The following PTPRD variants were observed in gnomAD, a reference collection of about 807,000 sequenced individuals.
PTPRD encodes receptor-type tyrosine-protein phosphatase delta.
PTPRD carries 34 observed loss-of-function variants against 214.5 expected under a neutral mutation model. The observed-to-expected ratio is 0.16, with a 90% confidence interval of 0.12 to 0.21. The LOEUF is 0.21. Among genes scored for constraint, PTPRD ranks in the 10% least tolerant of loss-of-function variants. The pLI is 1.00. For missense variants in PTPRD, 2,545 were observed against 2,398.7 expected (o/e 1.06, Z -1.27); for synonymous variants, 1,128 against 845.7 (o/e 1.33, Z -5.79).
At chr9:10,036,768 G>C (rs1217011) in intron 3 of PTPRD, among the ~76,000 whole-genome samples, 6,977 of 151,984 alleles carry the variant, frequency 0.046, 587 homozygotes, top group African/African-American at 0.16. Flanking sequence ...ATTTTTAGTA[G>C]AGACAGGGTT....
intron 3 of PTPRD, among the ~76,000 whole-genome samples, chr9:10,198,519 G>A (rs930333496): frequency 6.6e-6 from 1 of 152,120 alleles, no homozygotes; most frequent in Admixed American, 6.6e-5. Context: ...GACATTTGAT[G>A]CCTGAAGGCA....
intron 11 of PTPRD, among the ~76,000 whole-genome samples, chr9:8,821,813 T>A (rs1194147892): frequency 6.6e-6 from 1 of 152,152 alleles, no homozygotes; most frequent in Non-Finnish European, 1.5e-5. Flanking sequence ...TACAGGCAAC[T>A]GCCACCATGC....
At chr9:8,649,969 C>G (rs1391211811) in intron 12 of PTPRD, among the ~76,000 whole-genome samples, 1 of 152,022 alleles carries the variant, frequency 6.6e-6, no homozygotes, top group Non-Finnish European at 1.5e-5. Flanking sequence ...CTAGGCTGGA[C>G]TGCAGTTGCA....
intron 2 of PTPRD, among the ~76,000 whole-genome samples, chr9:10,459,385 G>A (rs74634472): frequency 2.6e-5 from 4 of 152,102 alleles, no homozygotes; most frequent in Non-Finnish European, 4.4e-5. Flanking sequence ...CTTTACAGTA[G>A]AATGATTTAT....
chr9:10,087,754 T>A (rs1038998521), intron 3 of PTPRD, among the ~76,000 whole-genome samples: 1 of 151,686 alleles, frequency 6.6e-6, no homozygotes, highest in African/African-American at 2.4e-5. Flanking sequence ...CAACAATTAT[T>A]ATGGGAAGCA....
intron 12 of PTPRD, among the ~76,000 whole-genome samples, chr9:8,717,170 C>G (rs562982618): frequency 9.9e-5 from 15 of 152,150 alleles, no homozygotes; most frequent in Admixed American, 2.0e-4. Flanking sequence ...AAAAGTTAGA[C>G]AAATACATCT....
chr9:9,345,110 G>C (rs2048310782), intron 9 of PTPRD, among the ~76,000 whole-genome samples: 1 of 152,092 alleles, frequency 6.6e-6, no homozygotes. Context: ...AAAGTCTCTT[G>C]AGATTTTCTG....
At chr9:8,394,473 T>C (rs181853364) in intron 36 of PTPRD, among the ~76,000 whole-genome samples, 2 of 152,196 alleles carry the variant, frequency 1.3e-5, no homozygotes, top group African/African-American at 2.4e-5. Flanking sequence ...AAGCACTTGC[T>C]AAGAATTTAG....
At chr9:10,342,689 A>G (rs953579729) in intron 2 of PTPRD, among the ~76,000 whole-genome samples, 1 of 152,106 alleles carries the variant, frequency 6.6e-6, no homozygotes, top group African/African-American at 2.4e-5. Flanking sequence ...TTTATATGTA[A>G]TAAATTCCAG....
intron 4 of PTPRD, among the ~76,000 whole-genome samples, chr9:9,976,694 A>AAAAAAG: frequency 6.8e-6 from 1 of 147,526 alleles, no homozygotes; most frequent in Non-Finnish European, 1.5e-5. Context: ...GCCACCAAAA[A>AAAAAAG]AAAAAAAAAA....
intron 30 of PTPRD, among the ~76,000 whole-genome samples, chr9:8,474,375 T>C (rs916685821): frequency 1.3e-5 from 2 of 152,098 alleles, no homozygotes; most frequent in African/African-American, 2.4e-5. Flanking sequence ...TCAACCTTCA[T>C]AGGTCGGGCC....
intron 2 of PTPRD, among the ~76,000 whole-genome samples, chr9:10,441,374 T>A (rs1208328230): frequency 1.3e-5 from 2 of 151,712 alleles, no homozygotes. Flanking sequence ...GCATTCTGAA[T>A]GTTTTGAATT....
intron 33 of PTPRD, among the ~76,000 whole-genome samples, chr9:8,455,061 ATG>A (rs2096132163): frequency 6.6e-6 from 1 of 152,238 alleles, no homozygotes; most frequent in Non-Finnish European, 1.5e-5. Context: ...CATTCCTTTC[ATG>A]ATATAAAATA....
At chr9:10,333,336 C>G (rs1331921457) in intron 3 of PTPRD, among the ~76,000 whole-genome samples, 1 of 151,750 alleles carries the variant, frequency 6.6e-6, no homozygotes, top group Non-Finnish European at 1.5e-5. Flanking sequence ...TTGTTCAGCA[C>G]TAGACACTGG....
chr9:9,593,705 A>G (rs1020115775), intron 7 of PTPRD, among the ~76,000 whole-genome samples: 1 of 151,994 alleles, frequency 6.6e-6, no homozygotes, highest in Non-Finnish European at 1.5e-5. Flanking sequence ...AACCAAAGTA[A>G]AGGTCACTGA....
At chr9:9,728,968 C>T (rs563007911) in intron 7 of PTPRD, among the ~76,000 whole-genome samples, 2 of 152,030 alleles carry the variant, frequency 1.3e-5, no homozygotes, top group East Asian at 3.9e-4. Flanking sequence ...CCTGCTTTAC[C>T]ACACAAGTAA....
At chr9:9,830,871 T>A (rs1358678819) in intron 5 of PTPRD, among the ~76,000 whole-genome samples, 1 of 151,870 alleles carries the variant, frequency 6.6e-6, no homozygotes, top group Non-Finnish European at 1.5e-5. Flanking sequence ...TCTACTTAAT[T>A]ATTTTTTTTT....
At chr9:9,478,776 G>T (rs905559630) in intron 8 of PTPRD, among the ~76,000 whole-genome samples, 2 of 152,156 alleles carry the variant, frequency 1.3e-5, no homozygotes, top group African/African-American at 4.8e-5. Context: ...TATTTCAAGT[G>T]CCTCTTCTTT....
intron 35 of PTPRD, among the ~76,000 whole-genome samples, chr9:8,426,472 C>T (rs765828876): frequency 6.6e-6 from 1 of 152,114 alleles, no homozygotes; most frequent in South Asian, 2.1e-4. Context: ...TCAGTCCTTG[C>T]TATGGTCTCT....
Sources: allele counts gnomAD v4.1 joint callset (sites outside exome capture counted in the v4.1 genomes callset), GRCh38; gene constraint gnomAD v4.1.1; transcripts MANE v1.5; gene names NCBI Gene and HGNC (gene_info 2026-07-23, HGNC 2026-07-21).